The following RABGAP1L variants were observed in gnomAD, a reference collection of about 807,000 sequenced individuals.
The protein encoded by RABGAP1L is rab GTPase-activating protein 1-like.
In RABGAP1L, 63 loss-of-function variants were observed where a neutral mutation model predicts 137.7. That is an observed-to-expected ratio of 0.46 (90% confidence interval 0.37 to 0.56). RABGAP1L has a LOEUF of 0.56. Ranked by LOEUF, RABGAP1L falls within the 20% of genes least tolerant of loss-of-function variation. RABGAP1L has a pLI of 0.00. For synonymous variants in RABGAP1L, 431 were observed against 433.7 expected (o/e 0.99, Z 0.08); for missense variants, 1,095 against 1,244.0 (o/e 0.88, Z 1.80).
chr1:174,943,762 G>C (rs1207339519), intron 19 of RABGAP1L, among the ~76,000 whole-genome samples: 1 of 152,000 alleles, frequency 6.6e-6, no homozygotes, highest in African/African-American at 2.4e-5. Context: ...GAACCCAGGA[G>C]GTGGAGGTTG....
chr1:174,598,017 T>C (rs1670101861), intron 13 of RABGAP1L, among the ~76,000 whole-genome samples: 1 of 152,166 alleles, frequency 6.6e-6, no homozygotes, highest in East Asian at 1.9e-4. Flanking sequence ...GAGAAGATAA[T>C]TGATATGATT....
intron 14 of RABGAP1L, among the ~76,000 whole-genome samples, chr1:174,677,412 C>T (rs865992085): frequency 1.3e-5 from 2 of 152,186 alleles, no homozygotes; most frequent in Non-Finnish European, 2.9e-5. Flanking sequence ...TATAGCATAA[C>T]ACCTCTGTTA....
intron 19 of RABGAP1L, among the ~76,000 whole-genome samples, chr1:174,816,554 G>A (rs190793539): frequency 7.9e-5 from 12 of 152,024 alleles, no homozygotes; most frequent in Admixed American, 6.6e-4. Context: ...TATTGTATCA[G>A]GTTGAATTGA....
At chr1:174,328,702 G>A (rs1458119190) in intron 11 of RABGAP1L, among the ~76,000 whole-genome samples, 5 of 152,084 alleles carry the variant, frequency 3.3e-5, no homozygotes, top group East Asian at 1.9e-4. Context: ...CTGAGGAGGC[G>A]GAAGTTGCAG....
intron 13 of RABGAP1L, among the ~76,000 whole-genome samples, chr1:174,523,768 CCT>C (rs959238932): frequency 9.9e-5 from 15 of 152,136 alleles, no homozygotes; most frequent in Admixed American, 8.5e-4. Flanking sequence ...CATTCATTGA[CCT>C]CTCTTCATTT....
intron 19 of RABGAP1L, among the ~76,000 whole-genome samples, chr1:174,894,737 GTTTGTTTGT>G (rs1056678571): frequency 3.1e-5 from 4 of 128,462 alleles, no homozygotes; most frequent in African/African-American, 1.6e-4. Context: ...TGTTGTTTTT[GTTTGTTTGT>G]TTTGTTTTGT....
At chr1:174,893,524 A>G (rs1451389625) in intron 19 of RABGAP1L, among the ~76,000 whole-genome samples, 3 of 152,270 alleles carry the variant, frequency 2.0e-5, no homozygotes, top group African/African-American at 7.2e-5. Flanking sequence ...TGCATAAATT[A>G]CAGCATAATT....
intron 14 of RABGAP1L, among the ~76,000 whole-genome samples, chr1:174,676,104 T>A (rs1677602926): frequency 6.6e-6 from 1 of 152,138 alleles, no homozygotes; most frequent in African/African-American, 2.4e-5. Context: ...TGAAAAGTAA[T>A]TTAGGGCATG....
rs1050197844 is a variant in RABGAP1L, at chr1:174,243,525, T to A, written c.717+1868T>A. Among the ~76,000 whole-genome samples, 12 of 152,128 alleles carry A rather than the reference T, an allele frequency of 7.9e-5. No homozygotes were observed. The East Asian group carries it at 1.7e-3, about 22-fold the overall frequency. ...AGACATTATTTCTTTTTAAAAAAAA[T>A]TTTAAAAATCCTCCTCCAGGTAATG... On this transcript the variant is annotated intron_variant, in intron 5 of 25. Coordinates refer to ENST00000681986, the MANE Select transcript of RABGAP1L (RefSeq NM_001366446.1).
At chr1:174,915,840 A>T (rs1237887159) in intron 19 of RABGAP1L, among the ~76,000 whole-genome samples, 1 of 152,312 alleles carries the variant, frequency 6.6e-6, no homozygotes, top group East Asian at 1.9e-4. Flanking sequence ...CCTTTATGAC[A>T]TATATGATTT....
At chr1:174,483,386 A>G (rs1659314219) in intron 13 of RABGAP1L, among the ~76,000 whole-genome samples, 1 of 152,122 alleles carries the variant, frequency 6.6e-6, no homozygotes, top group Non-Finnish European at 1.5e-5. Flanking sequence ...AGAACATGCG[A>G]TGTCTGTCTT....
chr1:174,678,656 C>T (rs114367376), intron 14 of RABGAP1L, among the ~76,000 whole-genome samples: 9,580 of 152,194 alleles, frequency 0.063, 1,049 homozygotes, highest in African/African-American at 0.22. Flanking sequence ...AAGATGGTGG[C>T]GGGCTGCTTC....
intron 17 of RABGAP1L, among the ~76,000 whole-genome samples, chr1:174,735,281 A>C (rs987384180): frequency 6.6e-6 from 1 of 151,438 alleles, no homozygotes; most frequent in Non-Finnish European, 1.5e-5. Flanking sequence ...CAGCCATCTT[A>C]TTTTTTTATA....
At chr1:174,365,575 A>C (rs1008147196) in intron 11 of RABGAP1L, among the ~76,000 whole-genome samples, 1 of 152,146 alleles carries the variant, frequency 6.6e-6, no homozygotes, top group African/African-American at 2.4e-5. Flanking sequence ...TGTGGGAGCT[A>C]GCTGAACCTA....
chr1:174,344,878 CGA>C (rs1194414541), intron 11 of RABGAP1L, among the ~76,000 whole-genome samples: 6 of 152,222 alleles, frequency 3.9e-5, no homozygotes, highest in Admixed American at 2.6e-4. Flanking sequence ...CCAATGTCCT[CGA>C]GAGTTTCCCC....
intron 22 of RABGAP1L, among the ~76,000 whole-genome samples, chr1:174,977,291 C>G (rs1050275512): frequency 1.3e-5 from 2 of 152,120 alleles, no homozygotes; most frequent in Non-Finnish European, 2.9e-5. Flanking sequence ...ATATTTCTTA[C>G]CTACTCAAAA....
intron 14 of RABGAP1L, among the ~76,000 whole-genome samples, chr1:174,652,612 C>T (rs149093687): frequency 9.8e-5 from 15 of 152,322 alleles, no homozygotes; most frequent in Admixed American, 2.6e-4. Context: ...TGTTTGCCTG[C>T]GTATCACCAG....
intron 22 of RABGAP1L, among the ~76,000 whole-genome samples, chr1:174,977,792 T>C (rs1403055205): frequency 2.0e-5 from 3 of 152,242 alleles, no homozygotes; most frequent in Non-Finnish European, 2.9e-5. Context: ...CCTTAAATTA[T>C]GTCAGATAGA....
intron 19 of RABGAP1L, chr1:174,938,579 CAGA>C (rs1372916020): frequency 6.6e-6 from 1 of 152,152 alleles, no homozygotes; most frequent in African/African-American, 2.4e-5. Context: ...GACTCGGCTT[CAGA>C]AGATCCCATT....
Sources: gnomAD v4.1 joint callset for allele counts (sites outside exome capture counted in the v4.1 genomes callset) on GRCh38, gnomAD v4.1.1 for gene constraint, MANE v1.5 for transcripts, NCBI Gene and HGNC (gene_info 2026-07-23, HGNC 2026-07-21) for gene names.